Variants in CRPPA observed in about 807,000 individuals in gnomAD.
CRPPA encodes CDP-L-ribitol pyrophosphorylase A.
A neutral mutation model predicts 52.0 loss-of-function variants in CRPPA; 43 were observed. The ratio of observed to expected loss-of-function variants is 0.83; its 90% CI spans 0.65 to 1.07. The LOEUF (loss-of-function observed/expected upper bound fraction) is 1.07. CRPPA is among the 50% of genes least tolerant of loss of function. The pLI, the probability that CRPPA is intolerant of heterozygous loss-of-function variation, is 0.00. For synonymous variants in CRPPA, 250 were observed against 203.5 expected, an observed-to-expected ratio of 1.23 and a Z score of -1.94; for missense variants, 629 against 551.7, an observed-to-expected ratio of 1.14 and a Z score of -1.40.
At chr7:16,285,976 C>T (rs766736604) in intron 5 of CRPPA, among the ~76,000 whole-genome samples, 3 of 120,232 alleles carry the variant, frequency 2.5e-5, no homozygotes, top group African/African-American at 9.8e-5. Context: ...GCCAAGATTG[C>T]ACCACTGCAC....
chr7:16,374,818 G>GA (rs759148458), intron 3 of CRPPA, among the ~76,000 whole-genome samples: 3 of 150,358 alleles, frequency 2.0e-5, no homozygotes, highest in Non-Finnish European at 3.0e-5. Context: ...TCATCCACCT[G>GA]AAAAAAAAAT....
At position 16,089,178 on chromosome 7, in the gene CRPPA, GTATA is replaced by G. The variant is rs1562495988; in HGVS notation, c.*2513_*2516del. 3.2e-6 allele frequency: 1 copy of G among 310,660 alleles called. No homozygotes were observed. Among genetic ancestry groups the G allele is most frequent in the East Asian group, 7.8e-5 (1 of 12,888 alleles). 19.2% of individuals were successfully genotyped at this position (310,660 alleles called of 1,614,324 possible). ...AACATAAAAATACATATATACGTAC[GTATA>G]TACATATATGTGTGTATATACGTAC... is the stretch of plus-strand genomic sequence containing the variant. On this transcript the variant is annotated 3_prime_UTR_variant, in exon 10 of 10. Transcript: ENST00000407010.
intron 5 of CRPPA, among the ~76,000 whole-genome samples, chr7:16,301,015 G>C (rs189152567): frequency 9.9e-5 from 15 of 152,174 alleles, no homozygotes; most frequent in Non-Finnish European, 1.6e-4. Context: ...TCTCCAGTTA[G>C]GAAAAACAAT....
chr7:16,233,513 T>C (rs1346130640), intron 8 of CRPPA, among the ~76,000 whole-genome samples: 1 of 152,116 alleles, frequency 6.6e-6, no homozygotes, highest in Non-Finnish European at 1.5e-5. Flanking sequence ...AATTAGAGAA[T>C]ATATTAAAAA....
chr7:16,123,270 T>C (rs1367711457), intron 9 of CRPPA, among the ~76,000 whole-genome samples: 5 of 152,132 alleles, frequency 3.3e-5, no homozygotes, highest in African/African-American at 4.8e-5. Flanking sequence ...AAAATAGTTT[T>C]CATTTCCTTA....
At chr7:16,330,290 A>T (rs1785518380) in intron 3 of CRPPA, among the ~76,000 whole-genome samples, 1 of 152,362 alleles carries the variant, frequency 6.6e-6, no homozygotes, top group African/African-American at 2.4e-5. Flanking sequence ...TCCATTCTCC[A>T]GAAGAATATT....
intron 2 of CRPPA, among the ~76,000 whole-genome samples, chr7:16,380,586 T>G (rs1787056899): frequency 6.6e-6 from 1 of 152,210 alleles, no homozygotes; most frequent in African/African-American, 2.4e-5. Flanking sequence ...TCCTTGTACC[T>G]CTGGTAGAAT....
intron 9 of CRPPA, among the ~76,000 whole-genome samples, chr7:16,199,736 C>T (rs1781807587): frequency 1.3e-5 from 2 of 151,958 alleles, no homozygotes; most frequent in South Asian, 4.1e-4. Flanking sequence ...TTCACTACAG[C>T]AAATTCCTTA....
chr7:16,298,225 CAT>C (rs1434575105), intron 5 of CRPPA, among the ~76,000 whole-genome samples: 1 of 152,078 alleles, frequency 6.6e-6, no homozygotes, highest in East Asian at 1.9e-4. Context: ...GATATTATAA[CAT>C]GTGATGTACT....
At chr7:16,295,441 C>T (rs1784650754) in intron 5 of CRPPA, among the ~76,000 whole-genome samples, 1 of 151,860 alleles carries the variant, frequency 6.6e-6, no homozygotes. Context: ...TACACACAAC[C>T]ATATATGAAA....
rs186601648 is a variant in CRPPA, at chr7:16,315,725, G to C, written c.685-7098C>G. Among the ~76,000 whole-genome samples, 4 of 147,864 alleles carry C rather than the reference G, an allele frequency of 2.7e-5. No individual in the cohort carries two copies. In the East Asian group the frequency reaches 8.0e-4, roughly 30 times the overall value. ...TCCTGGAAGTAAAACTCATAAGACT[G>C]TGGGGGCTCCCCTTTGACTGGGTCC... On this transcript the variant is annotated intron_variant, in intron 3 of 9. Transcript: ENST00000407010.
At chr7:16,400,522 CAT>C (rs1350547701) in intron 2 of CRPPA, among the ~76,000 whole-genome samples, 8 of 152,348 alleles carry the variant, frequency 5.3e-5, no homozygotes, top group African/African-American at 1.7e-4. Flanking sequence ...ACGACTGGCA[CAT>C]GATTGACACT....
chr7:16,344,450 C>T (rs1785953548), intron 3 of CRPPA, among the ~76,000 whole-genome samples: 1 of 149,566 alleles, frequency 6.7e-6, no homozygotes, highest in African/African-American at 2.5e-5. Flanking sequence ...GTGGCATGTG[C>T]CTAGTCCTGC....
intron 9 of CRPPA, among the ~76,000 whole-genome samples, chr7:16,162,497 T>C (rs986739676): frequency 1.3e-5 from 2 of 152,204 alleles, no homozygotes; most frequent in Non-Finnish European, 2.9e-5. Flanking sequence ...TTGAGTGAGT[T>C]TCTTAATCCT....
At chr7:16,369,885 T>TAAATGTCC (rs1786703443) in intron 3 of CRPPA, among the ~76,000 whole-genome samples, 1 of 152,146 alleles carries the variant, frequency 6.6e-6, no homozygotes, top group Non-Finnish European at 1.5e-5. Context: ...TGAAAAACTC[T>TAAATGTCC]AAATGTCCAG....
chr7:16,192,639 T>C (rs963684952), intron 9 of CRPPA, among the ~76,000 whole-genome samples: 1 of 152,136 alleles, frequency 6.6e-6, no homozygotes, highest in African/African-American at 2.4e-5. Context: ...TCTTAAATGG[T>C]TTCCATCGCT....
At chr7:16,279,633 C>G (rs1293239175) in intron 5 of CRPPA, among the ~76,000 whole-genome samples, 1 of 152,114 alleles carries the variant, frequency 6.6e-6, no homozygotes. Context: ...AAACTGGAGA[C>G]AAGATCAGAT....
intron 5 of CRPPA, among the ~76,000 whole-genome samples, chr7:16,287,037 A>G (rs1235075209): frequency 6.6e-6 from 1 of 152,164 alleles, no homozygotes; most frequent in African/African-American, 2.4e-5. Context: ...CTCATGTCAT[A>G]CTATATATTT....
chr7:16,165,798 T>C (rs1781051504), intron 9 of CRPPA, among the ~76,000 whole-genome samples: 2 of 152,230 alleles, frequency 1.3e-5, no homozygotes, highest in Admixed American at 6.5e-5. Context: ...AAAGGTGACA[T>C]AGCTTATGTT....
Sources: allele counts gnomAD v4.1 joint callset (sites outside exome capture counted in the v4.1 genomes callset), GRCh38; gene constraint gnomAD v4.1.1; transcripts MANE v1.5; gene names NCBI Gene and HGNC (gene_info 2026-07-23, HGNC 2026-07-21).